The following HEATR5B variants were observed in gnomAD, a reference collection of about 807,000 sequenced individuals.
HEATR5B encodes the protein HEAT repeat containing 5B, also known as HEAT repeat-containing protein 5B.
In HEATR5B, 156 loss-of-function variants were observed where a neutral mutation model predicts 224.1. The ratio of observed to expected loss-of-function variants is 0.70; its 90% CI spans 0.61 to 0.80. The LOEUF is 0.80. Ranked by LOEUF, HEATR5B falls within the 30% of genes least tolerant of loss-of-function variation. HEATR5B has a pLI of 0.00. For missense variants in HEATR5B, 2,323 were observed against 2,535.5 expected (o/e 0.92, Z 1.80); for synonymous variants, 1,027 against 893.0 (o/e 1.15, Z -2.68).
At chr2:37,068,635 C>G (rs766814142) in intron 8 of HEATR5B, 46 bp downstream of exon 8, 1 of 1,584,058 alleles carries the variant, frequency 6.3e-7, no homozygotes, top group South Asian at 1.1e-5. Flanking sequence ...TAATAAAGAA[C>G]TAAATGACTA....
At chr2:37,066,559 A>G (rs1572926429) in intron 8 of HEATR5B, among the ~76,000 whole-genome samples, 1 of 152,288 alleles carries the variant, frequency 6.6e-6, no homozygotes, top group South Asian at 2.1e-4. Context: ...CCATTAATTA[A>G]CCTTGCTGCC....
intron 21 of HEATR5B, among the ~76,000 whole-genome samples, chr2:37,036,604 C>A (rs147371019): frequency 6.6e-6 from 1 of 151,952 alleles, no homozygotes; most frequent in Non-Finnish European, 1.5e-5. Context: ...CTCCACCTCC[C>A]GGGTTCAAGC....
chr2:37,047,218 G>GTGAAGTAGGTC (rs1670262281), intron 18 of HEATR5B, among the ~76,000 whole-genome samples: 1 of 151,576 alleles, frequency 6.6e-6, no homozygotes, highest in African/African-American at 2.4e-5. Flanking sequence ...AATGAATGAA[G>GTGAAGTAGGTC]TGAAGTAGGT....
chr2:36,998,623 G>A (rs1489261071), intron 33 of HEATR5B, among the ~76,000 whole-genome samples: 1 of 152,052 alleles, frequency 6.6e-6, no homozygotes, highest in Non-Finnish European at 1.5e-5. Context: ...GGATAAATTA[G>A]AAACAACAAA....
At chr2:37,032,518 A>G (rs1449337832) in intron 22 of HEATR5B, 111 bp downstream of exon 22, 12 of 873,144 alleles carry the variant, frequency 1.4e-5, no homozygotes, top group Non-Finnish European at 2.1e-5. Flanking sequence ...ATTTCAAAGA[A>G]TAAGACATCT....
chr2:37,053,522 C>T lies in HEATR5B; in HGVS notation c.2485G>A (p.Ala829Thr). The T allele has an allele frequency of 1.2e-6, 2 of 1,602,580 alleles. No individual in the cohort carries two copies. Among genetic ancestry groups the T allele is most frequent in the South Asian group, 2.2e-5 (2 of 89,872 alleles). Residue 829 changes from alanine (A) to threonine (T), a missense_variant, in exon 17 of 36, where the codon GCT becomes ACT. Physicochemically the swap from Ala to Thr is moderately conservative, Grantham distance 58. This residue lies in a region of HEATR5B where 170 missense variants were observed against 216.7 expected (regional missense o/e 0.78). Coordinates refer to ENST00000233099, the MANE Select transcript of HEATR5B (RefSeq NM_019024.3). ...AATACCTTTAGTGCACTAAGAACAG[C>T]AGTAAATATGTTAAGCTGCACAGCC... Reference protein sequence around the residue: ...QQAVQLNIFTAVLSALKGLAE... With the variant: ...QQAVQLNIFTTVLSALKGLAE...
At chr2:37,013,347 TTTTAAAGTG>T (rs1265570322) in intron 27 of HEATR5B, among the ~76,000 whole-genome samples, 1 of 152,066 alleles carries the variant, frequency 6.6e-6, no homozygotes, top group Non-Finnish European at 1.5e-5. Context: ...ATTATATATT[TTTTAAAGTG>T]ACTGTGAGAA....
intron 21 of HEATR5B, among the ~76,000 whole-genome samples, chr2:37,033,541 T>C (rs938752909): frequency 6.6e-6 from 1 of 152,050 alleles, no homozygotes; most frequent in Non-Finnish European, 1.5e-5. Flanking sequence ...AAAAACCAAA[T>C]CAAGCAAACA....
At chr2:37,083,856 A>G (rs931974300) in intron 1 of HEATR5B, among the ~76,000 whole-genome samples, 8 of 152,072 alleles carry the variant, frequency 5.3e-5, no homozygotes, top group Admixed American at 3.3e-4. Flanking sequence ...CCCGCGCTGC[A>G]CCTGGCCAGA....
intron 17 of HEATR5B, among the ~76,000 whole-genome samples, chr2:37,051,955 G>T (rs1170874266): frequency 6.6e-5 from 10 of 151,930 alleles, no homozygotes; most frequent in Admixed American, 6.6e-4. Context: ...GGCCAGGCTG[G>T]TCTCAAACTC....
chr2:37,044,596 AC>A (rs1484325038), intron 18 of HEATR5B, among the ~76,000 whole-genome samples: 1 of 152,234 alleles, frequency 6.6e-6, no homozygotes, highest in Non-Finnish European at 1.5e-5. Flanking sequence ...GTATGCACAT[AC>A]ATTTTCATTT....
chr2:36,988,310 T>C (rs1490665595), intron 35 of HEATR5B, among the ~76,000 whole-genome samples: 1 of 151,916 alleles, frequency 6.6e-6, no homozygotes, highest in Non-Finnish European at 1.5e-5. Flanking sequence ...GTTGCCAGGC[T>C]GGAGTGCGCT....
chr2:36,992,154 C>A (rs536200907), intron 33 of HEATR5B, among the ~76,000 whole-genome samples: 3 of 151,976 alleles, frequency 2.0e-5, no homozygotes, highest in Admixed American at 6.6e-5. Context: ...GCCAAGATTG[C>A]GCCACTGCAC....
At position 37,041,279 on chromosome 2, in the gene HEATR5B, G is replaced by A; in HGVS notation, c.2710C>T (p.Arg904Ter). The A allele has an allele frequency of 3.1e-6, 5 of 1,613,402 alleles. No individual in the cohort carries two copies. The highest frequency in any genetic ancestry group is 3.4e-6 in the Non-Finnish European group (4 of 1,179,712). ...QYSFDKLKSA[R>*]DVVSRTGHSL... The stretch of plus-strand genomic sequence containing the variant: ...TGACCAGTCCTAGATACAACATCTC[G>A]AGCCGATTTCAACCTGAAAAAAAGA... The change falls in exon 19 of 36, where the codon CGA becomes TGA. Residue 904 changes from arginine to a stop codon, truncating the protein, a stop_gained. Coordinates refer to ENST00000233099, the MANE Select transcript of HEATR5B (RefSeq NM_019024.3). LOFTEE classifies it high-confidence loss of function.
intron 18 of HEATR5B, among the ~76,000 whole-genome samples, chr2:37,044,209 T>A (rs376836067): frequency 6.6e-6 from 1 of 152,236 alleles, no homozygotes; most frequent in Non-Finnish European, 1.5e-5. Context: ...GGCTGCCATA[T>A]TGACAACACA....
intron 21 of HEATR5B, 72 bp from the exon 22 acceptor site, chr2:37,032,845 A>AATAT: frequency 8.0e-7 from 1 of 1,250,200 alleles, no homozygotes; most frequent in Middle Eastern, 1.9e-4. Context: ...TTGCCCAATG[A>AATAT]ATATATATAT....
intron 18 of HEATR5B, among the ~76,000 whole-genome samples, chr2:37,048,024 G>A (rs1012130397): frequency 4.6e-5 from 7 of 152,158 alleles, no homozygotes; most frequent in East Asian, 1.9e-4. Flanking sequence ...CAAAATCTTC[G>A]TAATAATTAT....
At chr2:36,995,179 T>C (rs553524391) in intron 33 of HEATR5B, among the ~76,000 whole-genome samples, 76 of 142,734 alleles carry the variant, frequency 5.3e-4, no homozygotes, top group African/African-American at 1.9e-3. Flanking sequence ...AACCTCTGCC[T>C]CCTGGGTTCA....
At chr2:37,075,841 G>A (rs1672196179) in intron 4 of HEATR5B, 2 of 364,314 alleles carry the variant, frequency 5.5e-6, no homozygotes, top group African/African-American at 2.1e-5. Context: ...TAAAAAATTA[G>A]GTTTTAAGTA....
Sources: allele counts gnomAD v4.1 joint callset (sites outside exome capture counted in the v4.1 genomes callset), GRCh38; gene constraint gnomAD v4.1.1; regional missense constraint gnomAD v4.1.1; transcripts MANE v1.5; gene names NCBI Gene and HGNC (gene_info 2026-07-23, HGNC 2026-07-21).